Variants in KHNYN observed in about 807,000 individuals in gnomAD.
The protein encoded by KHNYN is protein KHNYN.
Under a neutral mutation model 62.7 loss-of-function variants are expected in KHNYN, and 42 were observed. That is an observed-to-expected ratio of 0.67 (90% confidence interval 0.52 to 0.87). The LOEUF is 0.87. Ranked by LOEUF, KHNYN falls within the 40% of genes least tolerant of loss-of-function variation. KHNYN has a pLI of 0.00. For synonymous variants in KHNYN, 347 were observed against 345.6 expected (o/e 1.00, Z -0.04); for missense variants, 829 against 874.1 (o/e 0.95, Z 0.65).
chr14:24,424,124 A>G, the KHNYN span, among the ~76,000 whole-genome samples: 1 of 152,280 alleles, frequency 6.6e-6, no homozygotes, highest in Non-Finnish European at 1.5e-5. Context: ...TAAGGATTAT[A>G]AAGTTTATAA....
At position 24,432,173 on chromosome 14, in the gene KHNYN, G is replaced by C; in HGVS notation, c.912G>C (p.Gly304=). The change falls in exon 3 of 8, where the codon GGG becomes GGC. Residue 304 remains glycine, a synonymous_variant. Coordinates refer to ENST00000553935, the MANE Select transcript of KHNYN (RefSeq NM_015299.3). The surrounding 1 kb of genome is among the most constrained non-coding windows in gnomAD (Gnocchi z 5.6). ...GGARESAPLK[G]KALGKEEIAL... is the part of the protein sequence containing the mutation. ...CAAGGGAGTCAGCACCCCTGAAAGG[G>C]AAGGCCCTGGGGAAGGAGGAGATAG... 6.4e-7 allele frequency: 1 copy of C among 1,566,412 alleles called. No homozygotes were observed. Among genetic ancestry groups the C allele is most frequent in the Non-Finnish European group, 8.7e-7 (1 of 1,154,412 alleles).
At chr14:24,431,398 G>A (rs2043108723) in intron 2 of KHNYN, 65 bp from the exon 3 acceptor site, 2 of 1,339,304 alleles carry the variant, frequency 1.5e-6, no homozygotes. Context: ...AGCGAGCAAG[G>A]AGCCAGGAGG....
rs370893873 is a variant in KHNYN at position 24,437,421 on chromosome 14, T to C, written c.*136T>C. ...GGTGCTTTGGATCAGGGAAGCCACTTTGGGACAGGTCCATAAAGTGAACTG... is the reference window on the plus strand; with the variant it reads ...GGTGCTTTGGATCAGGGAAGCCACTCTGGGACAGGTCCATAAAGTGAACTG... On this transcript the variant is annotated 3_prime_UTR_variant, in exon 8 of 8. Transcript: ENST00000553935. The surrounding 1 kb of genome is among the most constrained non-coding windows in gnomAD (Gnocchi z 5.5). 2 of 1,027,442 alleles carry C rather than the reference T, an allele frequency of 1.9e-6. No homozygotes were observed. The highest frequency in any genetic ancestry group is 2.6e-5 in the Admixed American group (1 of 37,862). 63.6% of individuals were successfully genotyped at this position (1,027,442 alleles called of 1,614,324 possible).
At chr14:24,434,288 T>C in intron 5 of KHNYN, 1 of 985,400 alleles carries the variant, frequency 1.0e-6, no homozygotes, top group Non-Finnish European at 1.2e-6. Flanking sequence ...AGCACAGTGG[T>C]ACACAGCGTA....
rs989716485 is a variant in KHNYN at position 24,441,661 on chromosome 14, T to G, written c.*4376T>G. ...CTGGCGAATATAAGGGGCTGGTGAT[T>G]TGGGGGGCGTACCTACACCTGTGAC... is the stretch of plus-strand genomic sequence containing the variant. On this transcript the variant is annotated 3_prime_UTR_variant, in exon 8 of 8. Transcript: ENST00000553935. 4.5e-6 allele frequency: 7 copies of G among 1,571,480 alleles called. No individual in the cohort carries two copies. The highest frequency in any genetic ancestry group is 6.0e-6 in the Non-Finnish European group (7 of 1,164,574).
intron 2 of KHNYN, 61 bp from the exon 3 acceptor site, chr14:24,431,402 C>G: frequency 2.2e-6 from 3 of 1,383,052 alleles, no homozygotes; most frequent in Non-Finnish European, 3.0e-6. Flanking sequence ...AGCAAGGAGC[C>G]AGGAGGGGTG....
Sources: gnomAD v4.1 joint callset for allele counts (sites outside exome capture counted in the v4.1 genomes callset) on GRCh38, gnomAD v4.1.1 for gene constraint, Gnocchi (gnomAD v3.1) non-coding constraint, MANE v1.5 for transcripts, NCBI Gene and HGNC (gene_info 2026-07-23, HGNC 2026-07-21) for gene names.